MALRD1: variants seen among roughly 807,000 people sequenced by gnomAD.
MALRD1 encodes MAM and LDL-receptor class A domain-containing protein 1.
A neutral mutation model predicts 242.1 loss-of-function variants in MALRD1; 247 were observed. The observed-to-expected ratio is 1.02, with a 90% CI of 0.92 to 1.13. The LOEUF (loss-of-function observed/expected upper bound fraction) is 1.13. Among genes scored for constraint, MALRD1 ranks in the 50% most tolerant of loss-of-function variants. The pLI is 0.00. For synonymous variants in MALRD1, 995 were observed against 866.6 expected, an observed-to-expected ratio of 1.15 and a Z score of -2.60; for missense variants, 2,989 against 2,533.1, an observed-to-expected ratio of 1.18 and a Z score of -3.86.
At chr10:19,205,406 C>A in intron 17 of MALRD1, 141 bp downstream of exon 17, 1 of 1,015,410 alleles carries the variant, frequency 9.8e-7, no homozygotes, top group Non-Finnish European at 1.4e-6. Flanking sequence ...GTTAATTAGT[C>A]AAGCCATCAG....
intron 36 of MALRD1, among the ~76,000 whole-genome samples, chr10:19,669,557 G>A (rs1199179802): frequency 2.0e-5 from 3 of 152,116 alleles, no homozygotes; most frequent in African/African-American, 7.2e-5. Flanking sequence ...AAGGAAAAGG[G>A]TACTCATAGT....
chr10:19,146,848 G>A (rs1390748224), intron 11 of MALRD1, among the ~76,000 whole-genome samples: 1 of 152,068 alleles, frequency 6.6e-6, no homozygotes, highest in Non-Finnish European at 1.5e-5. Context: ...TCATTCCAGT[G>A]TTTACATATC....
At chr10:19,627,976 A>G (rs1250100659) in intron 36 of MALRD1, among the ~76,000 whole-genome samples, 3 of 152,172 alleles carry the variant, frequency 2.0e-5, no homozygotes, top group Non-Finnish European at 4.4e-5. Flanking sequence ...AAAATTATGT[A>G]ACAGATAAAC....
intron 28 of MALRD1, among the ~76,000 whole-genome samples, chr10:19,428,643 C>A (rs1322134540): frequency 6.6e-6 from 1 of 151,934 alleles, no homozygotes; most frequent in Admixed American, 6.6e-5. Flanking sequence ...AAAGTTCACA[C>A]ACCCCTATCC....
Position 19,327,623 on chromosome 10 carries a change from G to T in MALRD1, c.3637G>T (p.Ala1213Ser). The stretch of plus-strand genomic sequence containing the variant: ...GTGGGCTCAAACTGGACAGCAAGGT[G>T]CACAGTGGAAGAGAGCAGAAGTGTT... ...KLWAQTGQQGAQWKRAEVFLG... is the reference protein window; with the variant it reads ...KLWAQTGQQGSQWKRAEVFLG... The change falls in exon 23 of 40, where the codon GCA becomes TCA. Residue 1213 changes from alanine to serine, a missense_variant. Transcript: ENST00000454679. 2 of 1,549,902 alleles carry T rather than the reference G, an allele frequency of 1.3e-6. No homozygotes were observed. Among genetic ancestry groups the T allele is most frequent in the Non-Finnish European group, 1.7e-6 (2 of 1,146,400 alleles).
Position 19,547,818 on chromosome 10 carries a change from ATTTTTTT to A in MALRD1, c.5478+16492_5478+16498del, listed in dbSNP as rs869038128. On this transcript the variant is annotated intron_variant, in intron 32 of 39. Transcript: ENST00000454679. The stretch of plus-strand genomic sequence containing the variant: ...TATATATATATATATATATATATAT[ATTTTTTT>A]TTTTTTTTTTTTTTTTTTTTTTTTA... Among the ~76,000 whole-genome samples the A allele has an allele frequency of 6.8e-3, 115 of 16,882 alleles. 1 individual carries two copies. Among genetic ancestry groups the A allele is most frequent in the Admixed American group, 0.015 (10 of 676 alleles). 11.1% of individuals were successfully genotyped at this position (16,882 alleles called of 152,430 possible). A position where few individuals can be genotyped will look rare whatever the true frequency, so the allele number is the denominator to read the frequency against.
chr10:19,275,056 T>A (rs1840443956), intron 19 of MALRD1, among the ~76,000 whole-genome samples: 1 of 152,182 alleles, frequency 6.6e-6, no homozygotes, highest in East Asian at 1.9e-4. Flanking sequence ...GAATGAGGTC[T>A]GAGCTTTATA....
At chr10:19,143,624 C>G (rs1833625064) in intron 10 of MALRD1, among the ~76,000 whole-genome samples, 1 of 152,178 alleles carries the variant, frequency 6.6e-6, no homozygotes, top group African/African-American at 2.4e-5. Context: ...GGTCACTCTA[C>G]TCATGAAAGA....
intron 36 of MALRD1, among the ~76,000 whole-genome samples, chr10:19,649,371 C>T (rs1840773609): frequency 6.6e-6 from 1 of 152,070 alleles, no homozygotes. Flanking sequence ...ATAAGTGTTC[C>T]CTTTTCTCTG....
chr10:19,713,151 C>G (rs986334295), intron 38 of MALRD1, among the ~76,000 whole-genome samples: 3 of 142,820 alleles, frequency 2.1e-5, no homozygotes, highest in Non-Finnish European at 4.5e-5. Context: ...ATTAAACTCT[C>G]TACTCCTTAA....
chr10:19,403,884 G>T (rs10508583), intron 28 of MALRD1, among the ~76,000 whole-genome samples: 6,422 of 152,018 alleles, frequency 0.042, 202 homozygotes, highest in African/African-American at 0.087. Context: ...TAATTACTTT[G>T]GTGGCTTCAT....
At chr10:19,340,055 A>G (rs1166418550) in intron 24 of MALRD1, among the ~76,000 whole-genome samples, 1 of 152,096 alleles carries the variant, frequency 6.6e-6, no homozygotes, top group Non-Finnish European at 1.5e-5. Context: ...AACCGTCCTC[A>G]TGATCTAATT....
At chr10:19,057,121 G>C (rs1834692440) in intron 1 of MALRD1, among the ~76,000 whole-genome samples, 1 of 152,078 alleles carries the variant, frequency 6.6e-6, no homozygotes, top group Non-Finnish European at 1.5e-5. Flanking sequence ...AGGAATATTG[G>C]CTTGCAGCTT....
intron 33 of MALRD1, among the ~76,000 whole-genome samples, chr10:19,572,171 C>G (rs557378882): frequency 4.2e-4 from 64 of 152,256 alleles, no homozygotes; most frequent in African/African-American, 1.5e-3. Context: ...TTAGGTTTCC[C>G]AGGGCAACAT....
At chr10:19,419,449 CA>C (rs1833636981) in intron 28 of MALRD1, among the ~76,000 whole-genome samples, 1 of 152,082 alleles carries the variant, frequency 6.6e-6, no homozygotes, top group Non-Finnish European at 1.5e-5. Context: ...TGCATGCCAC[CA>C]TGCCCAGCAA....
intron 36 of MALRD1, among the ~76,000 whole-genome samples, chr10:19,631,784 G>A (rs1417671651): frequency 6.6e-6 from 1 of 152,122 alleles, no homozygotes; most frequent in African/African-American, 2.4e-5. Context: ...CTGCATGTAT[G>A]TCTTCTTTTG....
chr10:19,113,391 T>C (rs1836750323), intron 5 of MALRD1, among the ~76,000 whole-genome samples: 1 of 152,136 alleles, frequency 6.6e-6, no homozygotes, highest in Non-Finnish European at 1.5e-5. Flanking sequence ...CTGGGTATTA[T>C]GCAAACCTCT....
chr10:19,659,238 GTAA>G (rs1564522101), intron 36 of MALRD1, among the ~76,000 whole-genome samples: 2 of 152,084 alleles, frequency 1.3e-5, no homozygotes, highest in African/African-American at 4.8e-5. Context: ...ATCGTTTATG[GTAA>G]TAATAGCAAA....
intron 29 of MALRD1, among the ~76,000 whole-genome samples, chr10:19,452,931 G>A (rs901861241): frequency 4.6e-5 from 7 of 151,936 alleles, no homozygotes; most frequent in East Asian, 1.9e-4. Context: ...GCTTTGCGTC[G>A]GTTTCCTCAT....
Sources: allele counts gnomAD v4.1 joint callset (sites outside exome capture counted in the v4.1 genomes callset), GRCh38; gene constraint gnomAD v4.1.1; transcripts MANE v1.5; gene names NCBI Gene and HGNC (gene_info 2026-07-23, HGNC 2026-07-21).